The following SNX24 variants were observed in gnomAD, a reference collection of about 807,000 sequenced individuals.
The protein encoded by SNX24 is sorting nexin-24.
In SNX24, 22 loss-of-function variants were observed where a neutral mutation model predicts 28.7. The ratio of observed to expected loss-of-function variants is 0.77; its 90% confidence interval spans 0.55 to 1.10. The LOEUF is 1.10. SNX24 is among the 50% of genes least tolerant of loss of function. SNX24 has a pLI of 0.00. For synonymous variants in SNX24, 69 were observed against 71.5 expected, an observed-to-expected ratio of 0.96 and a Z score of 0.18; for missense variants, 221 against 201.1, an observed-to-expected ratio of 1.10 and a Z score of -0.60.
At position 122,855,931 on chromosome 5, in the gene SNX24, C is replaced by G. The variant is rs1166278133; in HGVS notation, c.60+10238C>G. On this transcript the variant is annotated intron_variant, in intron 1 of 6. Transcript: ENST00000261369. ...TTGCTGGTCTGTGGAACAGCCCAAACACACAACATTTGTCAGTTAAATTTG... is the reference window on the plus strand; with the variant it reads ...TTGCTGGTCTGTGGAACAGCCCAAAGACACAACATTTGTCAGTTAAATTTG... 2.0e-5 allele frequency among the ~76,000 whole-genome samples: 3 copies of G among 152,320 alleles called. No individual in the cohort carries two copies. In the East Asian group the frequency reaches 5.8e-4, roughly 29 times the overall value.
chr5:122,957,477 C>T (rs1303508120), intron 3 of SNX24, among the ~76,000 whole-genome samples: 3 of 151,986 alleles, frequency 2.0e-5, no homozygotes, highest in Non-Finnish European at 2.9e-5. Context: ...TTTTCTTTTT[C>T]AAGATTGTTT....
In SNX24 at chr5:123,023,100, C is replaced by T. The variant is rs1581870391; in HGVS notation, n.384-6138C>T. On this transcript the variant is annotated intron_variant and non_coding_transcript_variant, in intron 5 of 5. Coordinates refer to the SNX24 transcript ENST00000502387. ...ATAGGCATGAGCCACCATACCCAGGCCTTATAGCCTGAGTCTTAATCCCCT... is the reference window on the plus strand; with the variant it reads ...ATAGGCATGAGCCACCATACCCAGGTCTTATAGCCTGAGTCTTAATCCCCT... 3.3e-5 allele frequency: 5 copies of T among 152,330 alleles called. 1 individual carries two copies. The highest frequency in any genetic ancestry group is 3.3e-4 in the Admixed American group (5 of 15,304). The allele number at this position is 152,330 out of a possible 1,614,324, so 9.4% of individuals were successfully genotyped here.
At chr5:122,861,023 A>C (rs1211277190) in intron 1 of SNX24, among the ~76,000 whole-genome samples, 1 of 152,086 alleles carries the variant, frequency 6.6e-6, no homozygotes, top group Non-Finnish European at 1.5e-5. Flanking sequence ...TTATGTTCCC[A>C]ATCTAATAAA....
intron 1 of SNX24, among the ~76,000 whole-genome samples, chr5:122,933,532 A>G (rs1759050989): frequency 6.6e-6 from 1 of 152,184 alleles, no homozygotes; most frequent in Non-Finnish European, 1.5e-5. Context: ...CTGAGGTAAT[A>G]GTAGGTATGG....
intron 3 of SNX24, among the ~76,000 whole-genome samples, chr5:122,956,387 C>T (rs1190206015): frequency 7.3e-5 from 11 of 150,694 alleles, no homozygotes; most frequent in Admixed American, 6.6e-5. Flanking sequence ...CACACACACA[C>T]ACACACACAC....
intron 3 of SNX24, chr5:122,998,472 A>AT (rs1229790733): frequency 6.6e-6 from 1 of 152,182 alleles, no homozygotes; most frequent in African/African-American, 2.4e-5. Context: ...GGAAATTATT[A>AT]TTTAGTGAAT....
chr5:122,874,590 T>C (rs1388496794), intron 1 of SNX24, among the ~76,000 whole-genome samples: 1 of 152,218 alleles, frequency 6.6e-6, no homozygotes, highest in African/African-American at 2.4e-5. Context: ...ATATTTTACT[T>C]GTTCTGGTAC....
chr5:122,996,767 G>A (rs1406789010), intron 3 of SNX24, among the ~76,000 whole-genome samples: 1 of 152,142 alleles, frequency 6.6e-6, no homozygotes, highest in Non-Finnish European at 1.5e-5. Context: ...AAGAATGAAA[G>A]CGATTAACCA....
intron 5 of SNX24, among the ~76,000 whole-genome samples, chr5:123,018,264 G>A (rs1331978194): frequency 6.6e-6 from 1 of 152,064 alleles, no homozygotes; most frequent in Non-Finnish European, 1.5e-5. Flanking sequence ...TGGAGTTTCT[G>A]TGCCCTAGGC....
chr5:122,904,187 T>C (rs768930454), intron 1 of SNX24, among the ~76,000 whole-genome samples: 2 of 152,058 alleles, frequency 1.3e-5, no homozygotes, highest in African/African-American at 2.4e-5. Flanking sequence ...TTTTTTTTGT[T>C]TTCTTTTTTT....
intron 5 of SNX24, chr5:123,025,669 C>T (rs1225296719): frequency 9.4e-7 from 1 of 1,060,768 alleles, no homozygotes; most frequent in Non-Finnish European, 1.4e-6. Context: ...TTTGAAGAGG[C>T]CAGTCAGCTA....
downstream of SNX24, among the ~76,000 whole-genome samples, chr5:123,009,852 A>G (rs1371347591): frequency 6.6e-6 from 1 of 152,212 alleles, no homozygotes; most frequent in Non-Finnish European, 1.5e-5. Flanking sequence ...CTGCCTGGGG[A>G]GCTACAGCCT....
At chr5:122,877,245 T>C (rs1213195697) in intron 1 of SNX24, among the ~76,000 whole-genome samples, 1 of 152,096 alleles carries the variant, frequency 6.6e-6, no homozygotes, top group Admixed American at 6.5e-5. Context: ...ATTTCTCCGA[T>C]CTGCATTAGG....
intron 1 of SNX24, among the ~76,000 whole-genome samples, chr5:122,863,421 G>A (rs1399216092): frequency 1.3e-5 from 2 of 152,026 alleles, no homozygotes; most frequent in East Asian, 3.9e-4. Flanking sequence ...TAAGAGATAA[G>A]GTCATATATA....
At chr5:122,920,470 A>G (rs184678710) in intron 1 of SNX24, among the ~76,000 whole-genome samples, 1 of 152,364 alleles carries the variant, frequency 6.6e-6, no homozygotes, top group Admixed American at 6.5e-5. Flanking sequence ...TGAATGAGTT[A>G]GCATTTGTTT....
intron 1 of SNX24, among the ~76,000 whole-genome samples, chr5:122,866,710 G>A (rs1755736555): frequency 6.6e-6 from 1 of 152,206 alleles, no homozygotes; most frequent in Non-Finnish European, 1.5e-5. Flanking sequence ...TTGTGGAGTA[G>A]TAGTCCAGTT....
intron 1 of SNX24, among the ~76,000 whole-genome samples, chr5:122,932,675 G>A (rs764142137): frequency 7.2e-5 from 11 of 151,922 alleles, no homozygotes; most frequent in Non-Finnish European, 8.8e-5. Flanking sequence ...AGAGACCACC[G>A]GTGAATCCCC....
chr5:122,888,277 C>T (rs1250919475), intron 1 of SNX24, among the ~76,000 whole-genome samples: 1 of 152,142 alleles, frequency 6.6e-6, no homozygotes, highest in African/African-American at 2.4e-5. Flanking sequence ...TTGCATCCTC[C>T]TGGTCCCTAG....
chr5:122,986,206 C>A (rs545545883), intron 3 of SNX24, among the ~76,000 whole-genome samples: 55 of 152,270 alleles, frequency 3.6e-4, no homozygotes, highest in Middle Eastern at 6.8e-3. Flanking sequence ...CTGCTTTGGA[C>A]ATTTTGAATT....
Sources: gnomAD v4.1 joint callset for allele counts (sites outside exome capture counted in the v4.1 genomes callset) on GRCh38, gnomAD v4.1.1 for gene constraint, MANE v1.5 for transcripts, NCBI Gene and HGNC (gene_info 2026-07-23, HGNC 2026-07-21) for gene names.